The following UNC80 variants were observed in gnomAD, a reference collection of about 807,000 sequenced individuals.
UNC80 encodes unc-80 subunit of NALCN channel complex.
Under a neutral mutation model 384.6 loss-of-function variants are expected in UNC80, and 164 were observed. The observed-to-expected ratio is 0.43, with a 90% confidence interval of 0.38 to 0.49. The LOEUF (loss-of-function observed/expected upper bound fraction) is 0.49, where lower values mean the gene tolerates loss of function less well. UNC80 is among the 20% of genes least tolerant of loss of function. UNC80 has a pLI of 0.00. For synonymous variants in UNC80, 1,486 were observed against 1,527.8 expected (o/e 0.97, Z 0.64); for missense variants, 3,330 against 4,143.0 (o/e 0.80, Z 5.39).
intron 18 of UNC80, among the ~76,000 whole-genome samples, chr2:209,838,034 G>T (rs577534894): frequency 6.6e-6 from 1 of 152,182 alleles, no homozygotes; most frequent in African/African-American, 2.4e-5. Context: ...GCCTCCCAAA[G>T]TGCTGGGATT....
chr2:209,919,250 T>G (rs2089833993), intron 33 of UNC80, among the ~76,000 whole-genome samples: 1 of 152,164 alleles, frequency 6.6e-6, no homozygotes, highest in African/African-American at 2.4e-5. Flanking sequence ...AGAATATGCC[T>G]TTTTCACCTG....
At chr2:209,920,116 C>T (rs1295781977) in intron 33 of UNC80, among the ~76,000 whole-genome samples, 1 of 152,142 alleles carries the variant, frequency 6.6e-6, no homozygotes, top group Non-Finnish European at 1.5e-5. Context: ...TTGCAATGAG[C>T]TGAGATTGTG....
In UNC80 at chr2:209,825,970, T is replaced by G. The variant is rs921658754; in HGVS notation, c.2395T>G (p.Ser799Ala). Residue 799 changes from serine (S) to alanine (A), a missense_variant, in exon 14 of 65, where the codon TCT (serine) becomes GCT (alanine). By Grantham distance (99) the Ser-to-Ala change is moderately conservative (BLOSUM62 1). Coordinates refer to ENST00000673920, the MANE Select transcript of UNC80 (RefSeq NM_001371986.1). ...ALTMLIKIVK[S>A]LGCAYGCGEG... is the part of the protein sequence containing the mutation. ...AACAATGCTCATCAAAATAGTGAAG[T>G]CTTTGGGATGTGCCTATGGTTGTGG... 1.5e-5 allele frequency: 24 copies of G among 1,550,806 alleles called. No individual in the cohort carries two copies. Among genetic ancestry groups the G allele is most frequent in the South Asian group, 4.8e-5 (4 of 83,948 alleles).
In UNC80 at chr2:209,936,826, T is replaced by A; in HGVS notation, c.6274-18T>A. ...CTTCCTGATAAACATTTATTAAAAT[T>A]TGTTGCTATTGTTCTAGGAGTGTCT... is the stretch of plus-strand genomic sequence containing the variant. On this transcript the variant is annotated intron_variant, in intron 40 of 64. Transcript: ENST00000673920. 1 of 1,487,108 alleles carries A rather than the reference T, an allele frequency of 6.7e-7. No homozygotes were observed. Among genetic ancestry groups the A allele is most frequent in the Non-Finnish European group, 9.2e-7 (1 of 1,088,480 alleles). The allele number at this position is 1,487,108 out of a possible 1,614,324, so 92.1% of individuals were successfully genotyped here.
chr2:209,931,317 CAT>C (rs66703610), intron 38 of UNC80, among the ~76,000 whole-genome samples: 17,141 of 148,200 alleles, frequency 0.12, 1,274 homozygotes, highest in East Asian at 0.25. Flanking sequence ...GTTGAGAAAA[CAT>C]GTGTTCTTTT....
At chr2:209,778,597 A>G (rs530237778) in intron 4 of UNC80, among the ~76,000 whole-genome samples, 82 of 152,310 alleles carry the variant, frequency 5.4e-4, no homozygotes, top group South Asian at 1.2e-3. Context: ...CTGTGCCATC[A>G]CTTTTTAGCT....
At chr2:209,910,592 G>T (rs2088805733) in intron 29 of UNC80, among the ~76,000 whole-genome samples, 1 of 150,352 alleles carries the variant, frequency 6.7e-6, no homozygotes, top group Admixed American at 6.6e-5. Flanking sequence ...TGAGGAACTT[G>T]ACTTATACTT....
intron 47 of UNC80, 25 bp from the exon 48 acceptor site, chr2:209,954,075 T>C (rs1486470797): frequency 6.5e-7 from 1 of 1,537,810 alleles, no homozygotes; most frequent in South Asian, 1.2e-5. Flanking sequence ...AAAAGGTGAC[T>C]CGGTTTTCTT....
At chr2:209,938,811 A>G (rs2091431684) in intron 42 of UNC80, among the ~76,000 whole-genome samples, 1 of 152,046 alleles carries the variant, frequency 6.6e-6, no homozygotes, top group African/African-American at 2.4e-5. Flanking sequence ...GTACACTTCA[A>G]GTTAGAGCCT....
intron 62 of UNC80, among the ~76,000 whole-genome samples, 174 bp downstream of exon 62, chr2:209,992,421 G>A (rs2093409024): frequency 6.6e-6 from 1 of 151,966 alleles, no homozygotes; most frequent in African/African-American, 2.4e-5. Context: ...TCCAGCCTGG[G>A]CAACATAGTA....
At chr2:209,849,204 C>T (rs1317514302) in intron 21 of UNC80, among the ~76,000 whole-genome samples, 3 of 152,070 alleles carry the variant, frequency 2.0e-5, no homozygotes, top group Non-Finnish European at 4.4e-5. Flanking sequence ...GTAAAATGAT[C>T]AAACACTGTA....
intron 22 of UNC80, among the ~76,000 whole-genome samples, chr2:209,866,996 A>G (rs147839002): frequency 1.3e-5 from 2 of 152,368 alleles, no homozygotes; most frequent in East Asian, 3.9e-4. Flanking sequence ...AATCAGGATA[A>G]CTGGAATATC....
chr2:209,970,088 A>T, intron 53 of UNC80, 197 bp downstream of exon 53: 2 of 643,870 alleles, frequency 3.1e-6, no homozygotes, highest in Non-Finnish European at 5.1e-6. Flanking sequence ...ATCCCTACAC[A>T]GAAGGGATTT....
chr2:209,778,733 T>C (rs888397192), intron 4 of UNC80, among the ~76,000 whole-genome samples: 2 of 152,232 alleles, frequency 1.3e-5, no homozygotes, highest in African/African-American at 2.4e-5. Context: ...CTTCTGTGAA[T>C]GAATAAATTA....
At position 209,945,284 on chromosome 2, in the gene UNC80, G is replaced by A. The variant is rs191156180; in HGVS notation, c.7189+95G>A. 5.6e-6 allele frequency: 7 copies of A among 1,254,994 alleles called. No individual in the cohort carries two copies. In the East Asian group the frequency reaches 1.9e-4, roughly 34 times the overall value. The allele number at this position is 1,254,994 out of a possible 1,614,324, so 77.7% of individuals were successfully genotyped here. A position where few individuals can be genotyped will look rare whatever the true frequency, so the allele number is the denominator to read the frequency against. On this transcript the variant is annotated intron_variant, in intron 46 of 64. Coordinates refer to ENST00000673920, the MANE Select transcript of UNC80 (RefSeq NM_001371986.1). The stretch of plus-strand genomic sequence containing the variant: ...CACACATACACGTATATTTATATGT[G>A]TGTGTATATATAACTAAATCAAAGT...
intron 60 of UNC80, 32 bp downstream of exon 60, chr2:209,982,349 T>C (rs1486325145): frequency 5.3e-6 from 8 of 1,498,086 alleles, no homozygotes; most frequent in Non-Finnish European, 6.3e-6. Flanking sequence ...GTACTCTGCA[T>C]TTGGGGGCAA....
At chr2:209,811,818 CAA>C (rs1337632904) in intron 7 of UNC80, among the ~76,000 whole-genome samples, 4 of 151,922 alleles carry the variant, frequency 2.6e-5, no homozygotes, top group Admixed American at 6.6e-5. Flanking sequence ...ATGCTATTAA[CAA>C]GAGAAAAAAT....
intron 45 of UNC80, 126 bp downstream of exon 45, chr2:209,943,640 G>A: frequency 8.8e-7 from 1 of 1,137,422 alleles, no homozygotes; most frequent in Non-Finnish European, 1.2e-6. Context: ...GAGATGCAAA[G>A]GCAGGCAGAG....
chr2:209,955,234 TC>T (rs2092355367), intron 48 of UNC80, among the ~76,000 whole-genome samples: 2 of 151,840 alleles, frequency 1.3e-5, no homozygotes, highest in East Asian at 3.9e-4. Context: ...AGGCACCAAC[TC>T]CCCCAGCCCC....
Sources: gnomAD v4.1 joint callset for allele counts (sites outside exome capture counted in the v4.1 genomes callset) on GRCh38, gnomAD v4.1.1 for gene constraint, MANE v1.5 for transcripts, NCBI Gene and HGNC (gene_info 2026-07-23, HGNC 2026-07-21) for gene names.